Variants in ABCC4 observed in about 807,000 individuals in gnomAD.
ABCC4 encodes the protein ATP binding cassette subfamily C member 4 (PEL blood group), also known as ATP-binding cassette sub-family C member 4.
Under a neutral mutation model 168.5 loss-of-function variants are expected in ABCC4, and 102 were observed. The observed-to-expected ratio is 0.61, with a 90% confidence interval of 0.52 to 0.71. ABCC4 has a LOEUF of 0.71. Ranked by LOEUF, ABCC4 falls within the 30% of genes least tolerant of loss-of-function variation. The probability of loss-of-function intolerance (pLI) is 0.00; values close to 1 mark genes in which losing one functional copy is unlikely to be tolerated. For missense variants in ABCC4, 1,402 were observed against 1,605.8 expected (o/e 0.87, Z 2.17); for synonymous variants, 617 against 590.7 (o/e 1.04, Z -0.65).
chr13:95,106,141 T>A (rs1409166813), intron 20 of ABCC4, among the ~76,000 whole-genome samples: 2 of 152,058 alleles, frequency 1.3e-5, no homozygotes, highest in Non-Finnish European at 1.5e-5. Context: ...TAGGTTCAAC[T>A]ATGAATTCCA....
chr13:95,277,230 G>C (rs1468555262), intron 1 of ABCC4, among the ~76,000 whole-genome samples: 2 of 152,026 alleles, frequency 1.3e-5, no homozygotes, highest in Non-Finnish European at 2.9e-5. Context: ...TTGGGGAAGG[G>C]AGAGGGGAGA....
intron 26 of ABCC4, among the ~76,000 whole-genome samples, chr13:95,054,861 C>G (rs1283001809): frequency 6.6e-6 from 1 of 152,102 alleles, no homozygotes; most frequent in African/African-American, 2.4e-5. Context: ...AAATGATATC[C>G]AGGGAGGCTC....
intron 19 of ABCC4, among the ~76,000 whole-genome samples, chr13:95,152,273 A>G (rs1170585140): frequency 7.2e-5 from 11 of 152,350 alleles, no homozygotes; most frequent in Middle Eastern, 3.4e-3. Context: ...TAAATTTAAT[A>G]TAAGTACCAG....
chr13:95,247,127 G>A lies in ABCC4; in HGVS notation c.186-32C>T, dbSNP rs751195564. On this transcript the variant is annotated intron_variant, in intron 2 of 30. Coordinates refer to ENST00000645237, the MANE Select transcript of ABCC4 (RefSeq NM_005845.5). ...TGAGGAAAAAGCTTCGTAAATAAGA[G>A]TGAACCCTGCCACAATATAAAACAG... The A allele has an allele frequency of 1.2e-5, 20 of 1,601,432 alleles. No homozygotes were observed. The Admixed American group carries it at 3.0e-4, about 24-fold the overall frequency.
chr13:95,257,727 A>C (rs188601032), intron 1 of ABCC4, among the ~76,000 whole-genome samples: 1 of 152,262 alleles, frequency 6.6e-6, no homozygotes, highest in East Asian at 1.9e-4. Flanking sequence ...CTTGCAGTTC[A>C]AACCCTTGTT....
At chr13:95,162,688 G>A (rs1325342543) in intron 18 of ABCC4, among the ~76,000 whole-genome samples, 1 of 152,164 alleles carries the variant, frequency 6.6e-6, no homozygotes. Flanking sequence ...TATTTTGGGG[G>A]CCTTGCTGCC....
At chr13:95,078,962 G>A (rs2034001447) in intron 21 of ABCC4, among the ~76,000 whole-genome samples, 1 of 152,184 alleles carries the variant, frequency 6.6e-6, no homozygotes, top group South Asian at 2.1e-4. Flanking sequence ...GTCAACTTGA[G>A]AAATTAGGTA....
Position 95,075,240 on chromosome 13 carries a change from G to A in ABCC4, c.2806+192C>T, listed in dbSNP as rs532379668. 212 of 657,252 alleles carry A rather than the reference G, an allele frequency of 3.2e-4. No individual in the cohort carries two copies. The African/African-American group carries it at 3.3e-3, about 10-fold the overall frequency. 40.7% of individuals were successfully genotyped at this position (657,252 alleles called of 1,614,324 possible). Reference sequence around the variant, plus strand: ...CAGTCAGGGGGCACAAAGAGGGAACGTGCAGCAGCGATTCCGAGAGGAGTC... The same window carrying A: ...CAGTCAGGGGGCACAAAGAGGGAACATGCAGCAGCGATTCCGAGAGGAGTC... On this transcript the variant is annotated intron_variant, in intron 22 of 30. Coordinates refer to ENST00000645237, the MANE Select transcript of ABCC4 (RefSeq NM_005845.5).
intron 20 of ABCC4, among the ~76,000 whole-genome samples, chr13:95,115,716 A>G (rs532190415): frequency 6.6e-6 from 1 of 152,328 alleles, no homozygotes; most frequent in East Asian, 1.9e-4. Context: ...GCGACTGTAT[A>G]GCCACTCCCA....
chr13:95,282,812 T>C (rs59140120), intron 1 of ABCC4, among the ~76,000 whole-genome samples: 4 of 151,880 alleles, frequency 2.6e-5, no homozygotes, highest in South Asian at 2.1e-4. Flanking sequence ...GGATTACAGG[T>C]GTGAGCCACC....
At chr13:95,186,127 C>T (rs1442973957) in intron 11 of ABCC4, among the ~76,000 whole-genome samples, 3 of 151,748 alleles carry the variant, frequency 2.0e-5, no homozygotes, top group Admixed American at 2.0e-4. Context: ...TCTGCCTAGC[C>T]GGTTGATGAT....
At chr13:95,282,529 A>C (rs966946405) in intron 1 of ABCC4, among the ~76,000 whole-genome samples, 3 of 148,300 alleles carry the variant, frequency 2.0e-5, no homozygotes, top group Non-Finnish European at 4.4e-5. Flanking sequence ...TTTTTCTTTT[A>C]TTTTTTTATT....
intron 1 of ABCC4, among the ~76,000 whole-genome samples, chr13:95,268,997 C>G (rs751130210): frequency 6.6e-6 from 1 of 152,168 alleles, no homozygotes; most frequent in Admixed American, 6.5e-5. Flanking sequence ...GGAAGGCCAC[C>G]CCTTCACTAA....
At chr13:95,114,457 G>A (rs1035199624) in intron 20 of ABCC4, among the ~76,000 whole-genome samples, 8 of 152,068 alleles carry the variant, frequency 5.3e-5, no homozygotes, top group Non-Finnish European at 1.0e-4. Flanking sequence ...CTGTCAAAAC[G>A]TGTACAGACA....
chr13:95,068,608 ACT>A (rs1334222697), intron 25 of ABCC4, among the ~76,000 whole-genome samples: 2 of 152,044 alleles, frequency 1.3e-5, no homozygotes, highest in Admixed American at 6.6e-5. Context: ...ACACAGCGAG[ACT>A]CTGTCTCAAA....
At chr13:95,238,486 A>C (rs780675440) in intron 3 of ABCC4, among the ~76,000 whole-genome samples, 6 of 152,014 alleles carry the variant, frequency 3.9e-5, no homozygotes, top group Non-Finnish European at 8.8e-5. Context: ...GTAGAAACCA[A>C]TGCCTGTACA....
intron 30 of ABCC4, among the ~76,000 whole-genome samples, chr13:95,024,136 G>A (rs1229187153): frequency 6.7e-6 from 1 of 150,048 alleles, no homozygotes; most frequent in African/African-American, 2.5e-5. Context: ...GAACCCAGGA[G>A]GCAGAGATTG....
intron 4 of ABCC4, among the ~76,000 whole-genome samples, chr13:95,212,290 C>T (rs1298743647): frequency 1.3e-5 from 2 of 151,968 alleles, no homozygotes; most frequent in Non-Finnish European, 2.9e-5. Flanking sequence ...GAGACCAGCC[C>T]GCCCCTGTAG....
At chr13:95,217,611 G>A (rs1367731221) in intron 4 of ABCC4, among the ~76,000 whole-genome samples, 1 of 152,100 alleles carries the variant, frequency 6.6e-6, no homozygotes, top group Non-Finnish European at 1.5e-5. Flanking sequence ...GCACACCCCT[G>A]CAATCCCAGC....
Sources: allele counts gnomAD v4.1 joint callset (sites outside exome capture counted in the v4.1 genomes callset), GRCh38; gene constraint gnomAD v4.1.1; transcripts MANE v1.5; gene names NCBI Gene and HGNC (gene_info 2026-07-23, HGNC 2026-07-21).